The following C10orf67 variants were observed in gnomAD, a reference collection of about 807,000 sequenced individuals.
C10orf67 encodes the protein uncharacterized protein C10orf67, mitochondrial.
In C10orf67, 60 loss-of-function variants were observed where a neutral mutation model predicts 35.6. That is an observed-to-expected ratio of 1.68 (90% CI 1.37 to 2.09). The LOEUF is 2.09. Ranked by LOEUF, C10orf67 falls within the 30% of genes most tolerant of loss-of-function variation. The pLI, the probability that C10orf67 is intolerant of heterozygous loss-of-function variation, is 0.00. For synonymous variants in C10orf67, 167 were observed against 115.8 expected, an observed-to-expected ratio of 1.44 and a Z score of -2.84; for missense variants, 474 against 330.2, an observed-to-expected ratio of 1.44 and a Z score of -3.38.
At chr10:23,211,580 A>G (rs1841309646) in intron 15 of C10orf67, among the ~76,000 whole-genome samples, 1 of 152,072 alleles carries the variant, frequency 6.6e-6, no homozygotes, top group South Asian at 2.1e-4. Context: ...AAAGACTTTT[A>G]TGAAGATACA....
Position 23,342,218 on chromosome 10 carries a change from CCACA to C in C10orf67, c.206+2347_206+2350del, listed in dbSNP as rs111662364. On this transcript the variant is annotated intron_variant, in intron 1 of 15. Transcript: ENST00000636213. ...TAAATCACAGCTCCCTCCCCACTTGCCACACACACACACACACACACACTCTCAC... is the reference window on the plus strand; with the variant it reads ...TAAATCACAGCTCCCTCCCCACTTGCCACACACACACACACACACTCTCAC... Among the ~76,000 whole-genome samples, 61 of 149,684 alleles carry C rather than the reference CCACA, an allele frequency of 4.1e-4. 1 individual carries two copies. The highest frequency in any genetic ancestry group is 4.2e-4 in the South Asian group (2 of 4,706).
chr10:23,277,337 G>A (rs560177198), intron 8 of C10orf67, among the ~76,000 whole-genome samples: 12 of 152,200 alleles, frequency 7.9e-5, no homozygotes. Context: ...TGGATCACTT[G>A]AGCCCAGGAG....
intron 2 of C10orf67, 38 bp from the exon 3 acceptor site, chr10:23,322,575 AG>A (rs1845001948): frequency 2.8e-6 from 4 of 1,421,278 alleles, no homozygotes; most frequent in Non-Finnish European, 2.9e-6. Flanking sequence ...GAAGTAACAC[AG>A]GAACAGAAAA....
chr10:23,279,794 A>G (rs1051585439), intron 8 of C10orf67, among the ~76,000 whole-genome samples: 1 of 151,276 alleles, frequency 6.6e-6, no homozygotes, highest in Middle Eastern at 3.2e-3. Flanking sequence ...TAACATATAT[A>G]TTATATAAAT....
chr10:23,292,237 G>T (rs1588660581), intron 5 of C10orf67, among the ~76,000 whole-genome samples: 1 of 116,506 alleles, frequency 8.6e-6, no homozygotes. Flanking sequence ...CCTCCCTTAT[G>T]GCTGTCTAGA....
At chr10:23,295,613 G>A (rs1843858330) in intron 5 of C10orf67, among the ~76,000 whole-genome samples, 1 of 152,140 alleles carries the variant, frequency 6.6e-6, no homozygotes. Flanking sequence ...GTATCATGTT[G>A]CATTTCACAA....
intron 15 of C10orf67, among the ~76,000 whole-genome samples, chr10:23,211,145 T>C (rs1373241152): frequency 6.6e-6 from 1 of 152,180 alleles, no homozygotes; most frequent in Non-Finnish European, 1.5e-5. Context: ...CTGAAATTTG[T>C]AGGGCCATGC....
intron 2 of C10orf67, among the ~76,000 whole-genome samples, chr10:23,325,396 T>A (rs1028470314): frequency 6.7e-6 from 1 of 150,306 alleles, no homozygotes; most frequent in Non-Finnish European, 1.5e-5. Flanking sequence ...CTCTGGCTCA[T>A]CCCTGAGAGA....
intron 4 of C10orf67, among the ~76,000 whole-genome samples, chr10:23,307,816 G>A (rs866608450): frequency 6.6e-6 from 1 of 151,876 alleles, no homozygotes. Context: ...ACAGGGCTTT[G>A]CCACATTGCC....
At chr10:23,225,271 G>A in intron 13 of C10orf67, among the ~76,000 whole-genome samples, 1 of 152,056 alleles carries the variant, frequency 6.6e-6, no homozygotes, top group African/African-American at 2.4e-5. Flanking sequence ...GCCAAACTAA[G>A]CTTCATAAGT....
chr10:23,274,388 C>G (rs888960094), intron 8 of C10orf67, among the ~76,000 whole-genome samples: 2 of 152,134 alleles, frequency 1.3e-5, no homozygotes, highest in East Asian at 3.9e-4. Context: ...CATCCCTTAT[C>G]TCAACAGCAT....
chr10:23,226,570 G>A (rs573218893), intron 13 of C10orf67, among the ~76,000 whole-genome samples: 5 of 152,132 alleles, frequency 3.3e-5, no homozygotes, highest in African/African-American at 1.2e-4. Context: ...GCTAGCAGAA[G>A]ACAAGAAATA....
chr10:23,294,046 AG>A (rs1843803727), intron 5 of C10orf67, among the ~76,000 whole-genome samples: 1 of 152,212 alleles, frequency 6.6e-6, no homozygotes, highest in Non-Finnish European at 1.5e-5. Context: ...TCCCCTCCAC[AG>A]GCTCCATTGA....
intron 2 of C10orf67, among the ~76,000 whole-genome samples, chr10:23,332,083 T>A (rs1564519780): frequency 2.6e-5 from 4 of 152,214 alleles, no homozygotes; most frequent in Admixed American, 2.6e-4. Context: ...AGAATTTACA[T>A]CACAGATTTA....
intron 10 of C10orf67, among the ~76,000 whole-genome samples, chr10:23,263,857 C>T (rs1432805599): frequency 6.6e-6 from 1 of 152,174 alleles, no homozygotes; most frequent in African/African-American, 2.4e-5. Flanking sequence ...TGTACAAATA[C>T]AAATTTTATG....
At chr10:23,335,233 G>T (rs899716638) in intron 1 of C10orf67, among the ~76,000 whole-genome samples, 1 of 151,714 alleles carries the variant, frequency 6.6e-6, no homozygotes, top group African/African-American at 2.4e-5. Context: ...TGATGACTTT[G>T]CTCAGCCATT....
intron 7 of C10orf67, among the ~76,000 whole-genome samples, chr10:23,285,038 C>A (rs1036340308): frequency 3.3e-5 from 5 of 152,118 alleles, no homozygotes; most frequent in Admixed American, 1.3e-4. Context: ...TGGAAAAAAA[C>A]CAGCAAATAT....
intron 4 of C10orf67, among the ~76,000 whole-genome samples, chr10:23,310,612 T>C (rs1197141129): frequency 1.3e-5 from 2 of 152,174 alleles, no homozygotes; most frequent in African/African-American, 4.8e-5. Flanking sequence ...AGATGGTCCT[T>C]GTCAGCAGGC....
At chr10:23,211,735 C>T (rs1168743914) in intron 15 of C10orf67, among the ~76,000 whole-genome samples, 1 of 152,092 alleles carries the variant, frequency 6.6e-6, no homozygotes, top group East Asian at 1.9e-4. Flanking sequence ...AATGAAGTGT[C>T]CTTTATCCAG....
Sources: gnomAD v4.1 joint callset for allele counts (sites outside exome capture counted in the v4.1 genomes callset) on GRCh38, gnomAD v4.1.1 for gene constraint, MANE v1.5 for transcripts, NCBI Gene and HGNC (gene_info 2026-07-23, HGNC 2026-07-21) for gene names.